ZEB1: variants seen among roughly 807,000 people sequenced by gnomAD.
ZEB1 encodes zinc finger E-box-binding homeobox 1.
A neutral mutation model predicts 84.9 loss-of-function variants in ZEB1; 21 were observed. The ratio of observed to expected loss-of-function variants is 0.25; its 90% CI spans 0.18 to 0.36. The LOEUF is 0.36. Among genes scored for constraint, ZEB1 ranks in the 10% least tolerant of loss-of-function variants. The probability of loss-of-function intolerance (pLI) is 1.00; values close to 1 mark genes in which losing one functional copy is unlikely to be tolerated. For synonymous variants in ZEB1, 420 were observed against 471.1 expected (o/e 0.89, Z 1.41); for missense variants, 1,104 against 1,330.2 (o/e 0.83, Z 2.65).
chr10:31,326,635 T>C (rs1439637736), intron 1 of ZEB1, among the ~76,000 whole-genome samples: 1 of 152,208 alleles, frequency 6.6e-6, no homozygotes, highest in Non-Finnish European at 1.5e-5. Context: ...CACAGCTTTT[T>C]GGGTTCCTAG....
intron 1 of ZEB1, among the ~76,000 whole-genome samples, chr10:31,391,265 G>GTGTGTA (rs1554835666): frequency 7.5e-5 from 11 of 147,200 alleles, no homozygotes; most frequent in South Asian, 2.1e-4. Context: ...GTGTGTGTGT[G>GTGTGTA]TGTGTGTGTG....
At chr10:31,350,728 G>T (rs555519128) in intron 1 of ZEB1, among the ~76,000 whole-genome samples, 4 of 151,840 alleles carry the variant, frequency 2.6e-5, no homozygotes, top group South Asian at 2.1e-4. Flanking sequence ...ATTATCTGGG[G>T]TTTTTTTTGG....
intron 2 of ZEB1, among the ~76,000 whole-genome samples, chr10:31,469,894 G>T (rs1211994637): frequency 6.6e-6 from 1 of 152,166 alleles, no homozygotes; most frequent in African/African-American, 2.4e-5. Flanking sequence ...TCCTCAAGTG[G>T]GTCCCTGACC....
At chr10:31,337,250 G>T (rs1268857351) in intron 1 of ZEB1, among the ~76,000 whole-genome samples, 1 of 151,792 alleles carries the variant, frequency 6.6e-6, no homozygotes, top group African/African-American at 2.4e-5. Flanking sequence ...GTAATATATT[G>T]TTTAAGGATA....
chr10:31,489,039 G>A (rs750686178), intron 2 of ZEB1, among the ~76,000 whole-genome samples: 4 of 150,950 alleles, frequency 2.6e-5, no homozygotes, highest in Non-Finnish European at 5.9e-5. Context: ...TTGTCTACTT[G>A]TTCTGTCAGT....
In ZEB1 at chr10:31,521,015, A is replaced by C; in HGVS notation, c.1683A>C (p.Pro561=). ...TAAAGCAGCCTACTCAGCCTCCTCC[A>C]CTCCCTGCAGCAGAAGCTGAGAAGC... ...YDLKQPTQPP[P]LPAAEAEKPE... The change falls in exon 7 of 9, where the codon CCA becomes CCC. Residue 561 remains proline, a synonymous_variant. Transcript: ENST00000424869. 6.2e-7 allele frequency: 1 copy of C among 1,613,800 alleles called. No homozygotes were observed. Among genetic ancestry groups the C allele is most frequent in the Non-Finnish European group, 8.5e-7 (1 of 1,179,946 alleles).
chr10:31,492,359 T>A (rs979605329), intron 2 of ZEB1, among the ~76,000 whole-genome samples: 1 of 151,936 alleles, frequency 6.6e-6, no homozygotes, highest in African/African-American at 2.4e-5. Flanking sequence ...TCATGTTAGA[T>A]GATTTTGCCC....
intron 4 of ZEB1, among the ~76,000 whole-genome samples, chr10:31,505,757 T>G (rs1404488931): frequency 6.6e-6 from 1 of 151,986 alleles, no homozygotes; most frequent in Non-Finnish European, 1.5e-5. Flanking sequence ...GATTTTGTTC[T>G]GATTGTTATT....
At chr10:31,319,447 C>G in intron 1 of ZEB1, 155 bp downstream of exon 1, 5 of 711,342 alleles carry the variant, frequency 7.0e-6, no homozygotes, top group Non-Finnish European at 1.2e-5. Flanking sequence ...CTCTGCCCCC[C>G]TCCGCTGCCG....
At chr10:31,472,648 A>T (rs1406561910) in intron 2 of ZEB1, among the ~76,000 whole-genome samples, 1 of 121,184 alleles carries the variant, frequency 8.3e-6, no homozygotes, top group Non-Finnish European at 1.6e-5. Context: ...AACTGGTACC[A>T]TTCCTTCTGA....
intron 1 of ZEB1, among the ~76,000 whole-genome samples, chr10:31,382,078 G>A (rs1407838744): frequency 1.3e-5 from 2 of 149,346 alleles, no homozygotes; most frequent in African/African-American, 2.5e-5. Flanking sequence ...GCCGGTGAGA[G>A]TCAAGAGACA....
intron 2 of ZEB1, among the ~76,000 whole-genome samples, chr10:31,461,559 C>A (rs2061821722): frequency 6.6e-6 from 1 of 151,906 alleles, no homozygotes; most frequent in Non-Finnish European, 1.5e-5. Context: ...ACTTAGAAAC[C>A]AATAAATATC....
chr10:31,524,925 G>C (rs966527521), intron 8 of ZEB1, among the ~76,000 whole-genome samples: 1 of 152,154 alleles, frequency 6.6e-6, no homozygotes, highest in African/African-American at 2.4e-5. Flanking sequence ...CTGAGATCCT[G>C]TAATTCTGCC....
Position 31,384,523 on chromosome 10 carries a change from G to T in ZEB1, c.58+65231G>T, listed in dbSNP as rs533406670. Among the ~76,000 whole-genome samples the T allele has an allele frequency of 1.4e-4, 21 of 152,258 alleles. 1 individual carries two copies. In the South Asian group the frequency reaches 4.2e-3, roughly 30 times the overall value. On this transcript the variant is annotated intron_variant, in intron 1 of 8. Transcript: ENST00000424869. The stretch of plus-strand genomic sequence containing the variant: ...TCATGACGGTAGTCCATGAACCTGG[G>T]TCCCCAAAAGGGAGAAAACAGTCTT...
chr10:31,446,070 A>G (rs2059727694), intron 1 of ZEB1, among the ~76,000 whole-genome samples: 1 of 146,442 alleles, frequency 6.8e-6, no homozygotes, highest in Non-Finnish European at 1.5e-5. Context: ...TTGGTAAACT[A>G]TTGATTATTG....
chr10:31,527,416 C>CACAG lies in ZEB1; in HGVS notation c.*155_*156insGACA. 2 of 366,120 alleles carry CACAG rather than the reference C, an allele frequency of 5.5e-6. No homozygotes were observed. Among genetic ancestry groups the CACAG allele is most frequent in the Non-Finnish European group, 8.7e-6 (2 of 228,702 alleles). 22.7% of individuals were successfully genotyped at this position (366,120 alleles called of 1,614,324 possible). ...CTAAAAAAATACAAAATACAAAACA[C>CACAG]ACACACACACACACACACACACACA... On this transcript the variant is annotated 3_prime_UTR_variant, in exon 9 of 9. Transcript: ENST00000424869.
chr10:31,427,340 A>C (rs2057075661), intron 1 of ZEB1, among the ~76,000 whole-genome samples: 1 of 152,188 alleles, frequency 6.6e-6, no homozygotes, highest in Admixed American at 6.5e-5. Flanking sequence ...TGAATTATTC[A>C]AAATTAATAA....
intron 1 of ZEB1, among the ~76,000 whole-genome samples, chr10:31,448,519 C>T (rs1239994084): frequency 6.6e-6 from 1 of 150,704 alleles, no homozygotes; most frequent in African/African-American, 2.5e-5. Context: ...TTTTTCTGTT[C>T]TGTTTTTTCC....
intron 1 of ZEB1, chr10:31,320,006 A>G (rs1210458892): frequency 3.3e-5 from 5 of 150,702 alleles, no homozygotes; most frequent in African/African-American, 4.9e-5. Flanking sequence ...CGGCGGCGGT[A>G]AAGTTGGGAC....
Sources: gnomAD v4.1 joint callset for allele counts (sites outside exome capture counted in the v4.1 genomes callset) on GRCh38, gnomAD v4.1.1 for gene constraint, MANE v1.5 for transcripts, NCBI Gene and HGNC (gene_info 2026-07-23, HGNC 2026-07-21) for gene names.